TARBP1: variants seen among roughly 807,000 people sequenced by gnomAD.
The protein encoded by TARBP1 is tRNA (guanosine(18)-2'-O)-methyltransferase TARBP1.
A neutral mutation model predicts 178.6 loss-of-function variants in TARBP1; 144 were observed. The observed-to-expected ratio is 0.81, with a 90% CI of 0.70 to 0.93. TARBP1 has a LOEUF of 0.93. Ranked by LOEUF, TARBP1 falls within the 40% of genes least tolerant of loss-of-function variation. The pLI, the probability that TARBP1 is intolerant of heterozygous loss-of-function variation, is 0.00. For missense variants in TARBP1, 2,067 were observed against 2,011.7 expected (o/e 1.03, Z -0.53); for synonymous variants, 787 against 781.0 (o/e 1.01, Z -0.13).
intron 29 of TARBP1, among the ~76,000 whole-genome samples, 169 bp downstream of exon 29, chr1:234,392,247 A>C (rs1659449305): frequency 6.6e-6 from 1 of 152,152 alleles, no homozygotes; most frequent in Non-Finnish European, 1.5e-5. Context: ...GATGCCTGAA[A>C]ATTGCTTGAG....
intron 4 of TARBP1, among the ~76,000 whole-genome samples, chr1:234,467,262 T>C (rs1298719229): frequency 6.6e-6 from 1 of 152,236 alleles, no homozygotes; most frequent in Non-Finnish European, 1.5e-5. Flanking sequence ...GACTTAACGC[T>C]GTTCTGAATA....
At chr1:234,416,741 G>A (rs1031234945) in intron 22 of TARBP1, among the ~76,000 whole-genome samples, 3 of 152,060 alleles carry the variant, frequency 2.0e-5, no homozygotes, top group Admixed American at 2.0e-4. Flanking sequence ...TAAGCTAGGA[G>A]ACTGGGAGAA....
chr1:234,419,019 A>G (rs1206665686), intron 21 of TARBP1, among the ~76,000 whole-genome samples: 3 of 151,984 alleles, frequency 2.0e-5, no homozygotes, highest in Non-Finnish European at 4.4e-5. Flanking sequence ...AAAAATACAA[A>G]AAATTAGCCG....
At chr1:234,467,944 A>G (rs1668617839) in intron 3 of TARBP1, among the ~76,000 whole-genome samples, 2 of 152,056 alleles carry the variant, frequency 1.3e-5, no homozygotes, top group South Asian at 4.1e-4. Flanking sequence ...CGCCTAGACA[A>G]TTTTTAAAAT....
At chr1:234,454,317 T>C (rs901555327) in intron 9 of TARBP1, among the ~76,000 whole-genome samples, 4 of 152,210 alleles carry the variant, frequency 2.6e-5, no homozygotes, top group Admixed American at 2.0e-4. Context: ...AGAAAATAAA[T>C]TTTAAAAACA....
rs753529658 is a variant in TARBP1 at position 234,392,509 on chromosome 1, G to A, written c.4604C>T (p.Thr1535Ile). ...CACTCCAATGATGGTATAACCTTCT[G>A]TTTTCTTCTGCTGCAGATAATCAAT... ...QLIDYLQQKK[T>I]EGYTIIGVEQ... Residue 1535 changes from threonine (T) to isoleucine (I), a missense_variant, in exon 29 of 30, where the codon ACA becomes ATA. Coordinates refer to ENST00000040877, the MANE Select transcript of TARBP1 (RefSeq NM_005646.4). 1 of 1,613,932 alleles carries A rather than the reference G, an allele frequency of 6.2e-7. No homozygotes were observed. Among genetic ancestry groups the A allele is most frequent in the South Asian group, 1.1e-5 (1 of 91,072 alleles).
In TARBP1 at chr1:234,399,892, G is replaced by C. The variant is rs568385784; in HGVS notation, c.4071+1289C>G. The stretch of plus-strand genomic sequence containing the variant: ...ACACTCTGGGGACTGTTGTGGGGTG[G>C]GGGGAGGGGGGGAGGGATAGCTTTA... On this transcript the variant is annotated intron_variant, in intron 25 of 29. Coordinates refer to ENST00000040877, the MANE Select transcript of TARBP1 (RefSeq NM_005646.4). Among the ~76,000 whole-genome samples the C allele has an allele frequency of 1.1e-3, 139 of 131,066 alleles. 1 individual carries two copies. The highest frequency in any genetic ancestry group is 3.6e-3 in the African/African-American group (131 of 35,974). 86.0% of individuals were successfully genotyped at this position (131,066 alleles called of 152,430 possible). A position where few individuals can be genotyped will look rare whatever the true frequency, so the allele number is the denominator to read the frequency against.
chr1:234,446,462 T>C (rs770996965), intron 12 of TARBP1, among the ~76,000 whole-genome samples: 20 of 152,098 alleles, frequency 1.3e-4, no homozygotes, highest in Non-Finnish European at 2.5e-4. Flanking sequence ...TCATTTTAAA[T>C]GGTCTAGAAA....
chr1:234,424,859 C>T lies in TARBP1; in HGVS notation c.3444+814G>A, dbSNP rs549533507. Among the ~76,000 whole-genome samples the T allele has an allele frequency of 1.6e-4, 24 of 151,996 alleles. 1 individual carries two copies. Among genetic ancestry groups the T allele is most frequent in the African/African-American group, 3.4e-4 (14 of 41,386 alleles). ...GGTGGATTACCTGAGGTCGGGAGTTCGAGACCAGCCTGACCAACATGGAGA... is the reference window on the plus strand; with the variant it reads ...GGTGGATTACCTGAGGTCGGGAGTTTGAGACCAGCCTGACCAACATGGAGA... On this transcript the variant is annotated intron_variant, in intron 20 of 29. Transcript: ENST00000040877.
intron 1 of TARBP1, among the ~76,000 whole-genome samples, chr1:234,475,123 G>A (rs540199428): frequency 1.3e-5 from 2 of 152,302 alleles, no homozygotes; most frequent in South Asian, 2.1e-4. Context: ...CTTCAAGCCT[G>A]CCCCGGTGCT....
At chr1:234,392,713 C>CTT (rs373165088) in intron 28 of TARBP1, 161 bp from the exon 29 acceptor site, 656 of 339,876 alleles carry the variant, frequency 1.9e-3, no homozygotes, top group East Asian at 3.3e-3. Flanking sequence ...ACATCAATTT[C>CTT]TTTTTTTTTT....
At chr1:234,460,747 T>C (rs143690180) in intron 6 of TARBP1, among the ~76,000 whole-genome samples, 24 of 152,312 alleles carry the variant, frequency 1.6e-4, no homozygotes, top group African/African-American at 5.3e-4. Context: ...TACATGAACA[T>C]TCATAACAGC....
At chr1:234,433,336 G>C (rs190588847) in intron 14 of TARBP1, 74 bp downstream of exon 14, 1 of 1,429,268 alleles carries the variant, frequency 7.0e-7, no homozygotes, top group Admixed American at 2.1e-5. Context: ...TCAAAATAGT[G>C]TATAAGAACT....
intron 9 of TARBP1, 80 bp downstream of exon 9, chr1:234,457,587 T>A (rs1326043785): frequency 2.5e-5 from 22 of 879,044 alleles, no homozygotes; most frequent in Non-Finnish European, 1.5e-5. Context: ...ATATTTTATA[T>A]AAATGGCTAC....
At chr1:234,428,766 G>A (rs1039668902) in intron 17 of TARBP1, among the ~76,000 whole-genome samples, 6 of 152,000 alleles carry the variant, frequency 3.9e-5, no homozygotes, top group African/African-American at 9.7e-5. Context: ...GGCTTGTCTC[G>A]AGCTCCTGAC....
intron 22 of TARBP1, among the ~76,000 whole-genome samples, chr1:234,413,942 A>G (rs967008080): frequency 1.3e-5 from 2 of 152,208 alleles, no homozygotes; most frequent in African/African-American, 4.8e-5. Context: ...GGTTTGTGCA[A>G]CTGTATAGAT....
At chr1:234,447,345 C>CAAA (rs34101720) in intron 11 of TARBP1, among the ~76,000 whole-genome samples, 11,113 of 99,610 alleles carry the variant, frequency 0.11, 754 homozygotes, top group East Asian at 0.27. Context: ...TTTAAAAATC[C>CAAA]AAAAAAAAAA....
In TARBP1 at chr1:234,425,654, TA is replaced by T. The variant is rs776520476; in HGVS notation, c.3444+18del. 6.3e-7 allele frequency: 1 copy of T among 1,595,888 alleles called. No individual in the cohort carries two copies. Among genetic ancestry groups the T allele is most frequent in the Non-Finnish European group, 8.5e-7 (1 of 1,170,624 alleles). ...CTGACTGTTAAAAACAAAGATAATT[TA>T]AAGTAAAATACACTTACTTTATCTA... On this transcript the variant is annotated intron_variant, in intron 20 of 29. Transcript: ENST00000040877.
rs570475558 is a variant in TARBP1 at position 234,457,018 on chromosome 1, A to G, written c.1722+649T>C. Among the ~76,000 whole-genome samples the G allele has an allele frequency of 1.4e-4, 21 of 152,354 alleles. 1 individual carries two copies. The highest frequency in any genetic ancestry group is 4.6e-4 in the African/African-American group (19 of 41,592). On this transcript the variant is annotated intron_variant, in intron 9 of 29. Coordinates refer to ENST00000040877, the MANE Select transcript of TARBP1 (RefSeq NM_005646.4). Reference sequence around the variant, plus strand: ...AAATAAGCACTGAAGTCAGTTGTATAAACTAAACCCCGTGGTTTACAAAAA... The same window carrying G: ...AAATAAGCACTGAAGTCAGTTGTATGAACTAAACCCCGTGGTTTACAAAAA...
Sources: gnomAD v4.1 joint callset for allele counts (sites outside exome capture counted in the v4.1 genomes callset) on GRCh38, gnomAD v4.1.1 for gene constraint, MANE v1.5 for transcripts, NCBI Gene and HGNC (gene_info 2026-07-23, HGNC 2026-07-21) for gene names.